The following TNFSF13B variants were observed in gnomAD, a reference collection of about 807,000 sequenced individuals.
TNFSF13B encodes the protein tumor necrosis factor ligand superfamily member 13B.
In TNFSF13B, 8 loss-of-function variants were observed where a neutral mutation model predicts 29.1. The observed-to-expected ratio is 0.27, with a 90% confidence interval of 0.16 to 0.50. The LOEUF (loss-of-function observed/expected upper bound fraction) is 0.50. TNFSF13B is among the 20% of genes least tolerant of loss of function. TNFSF13B has a pLI of 0.98. For missense variants in TNFSF13B, 248 were observed against 334.9 expected (o/e 0.74, Z 2.03); for synonymous variants, 125 against 130.8 (o/e 0.96, Z 0.30).
At chr13:108,271,444 TCACACACACACACACACACACACA>T (rs59438208) in intron 2 of TNFSF13B, among the ~76,000 whole-genome samples, 2 of 143,002 alleles carry the variant, frequency 1.4e-5, no homozygotes, top group East Asian at 4.2e-4. Flanking sequence ...GACCCTTCTA[TCACACACACACACACACACACACA>T]CACACACACA....
chr13:108,284,344 A>T (rs1258938937), intron 2 of TNFSF13B, among the ~76,000 whole-genome samples: 1 of 134,140 alleles, frequency 7.5e-6, no homozygotes, highest in Non-Finnish European at 1.6e-5. Flanking sequence ...ATAAATAAAT[A>T]AATAAATAAA....
chr13:108,271,197 TTATAA>T (rs1318318444), intron 2 of TNFSF13B, among the ~76,000 whole-genome samples: 13 of 152,330 alleles, frequency 8.5e-5, no homozygotes, highest in African/African-American at 2.2e-4. Flanking sequence ...TTTATTAAAG[TTATAA>T]TATAACAAAT....
chr13:108,274,485 A>C (rs1295655219), intron 2 of TNFSF13B, among the ~76,000 whole-genome samples: 1 of 152,008 alleles, frequency 6.6e-6, no homozygotes, highest in Non-Finnish European at 1.5e-5. Context: ...GGAAGATTTG[A>C]AGATAAGAAT....
At chr13:108,284,294 A>C (rs373112428) in intron 2 of TNFSF13B, among the ~76,000 whole-genome samples, 30 of 152,186 alleles carry the variant, frequency 2.0e-4, no homozygotes, top group African/African-American at 4.3e-4. Flanking sequence ...GCGCCACTGC[A>C]CTCCAGCCTG....
chr13:108,296,263 T>C (rs1324480235), intron 3 of TNFSF13B, among the ~76,000 whole-genome samples: 2 of 145,894 alleles, frequency 1.4e-5, no homozygotes, highest in African/African-American at 2.6e-5. Context: ...GCTTATATCT[T>C]GAGGTTCTGT....
At chr13:108,282,454 G>A (rs552366124) in intron 2 of TNFSF13B, among the ~76,000 whole-genome samples, 1 of 152,166 alleles carries the variant, frequency 6.6e-6, no homozygotes, top group Non-Finnish European at 1.5e-5. Context: ...TGATTAAATG[G>A]TATTTAGACA....
chr13:108,302,848 T>C, intron 3 of TNFSF13B: 1 of 987,658 alleles, frequency 1.0e-6, no homozygotes, highest in Non-Finnish European at 1.2e-6. Context: ...TGCCAAACTC[T>C]TCAGATACTC....
chr13:108,270,432 T>C lies in TNFSF13B; in HGVS notation c.424+8T>C, dbSNP rs1443006542. ...AGGGTCCAGAAGAAACAGGTATGTT[T>C]TGGGCACAGACACTTTTAGGAGTCA... On this transcript the variant is annotated splice_region_variant and intron_variant, in intron 2 of 5. Coordinates refer to ENST00000375887, the MANE Select transcript of TNFSF13B (RefSeq NM_006573.5). 6.2e-7 allele frequency: 1 copy of C among 1,613,676 alleles called. No homozygotes were observed. The highest frequency in any genetic ancestry group is 8.5e-7 in the Non-Finnish European group (1 of 1,179,622).
intron 2 of TNFSF13B, among the ~76,000 whole-genome samples, chr13:108,281,774 G>A (rs889065772): frequency 3.9e-5 from 6 of 152,114 alleles, no homozygotes; most frequent in African/African-American, 1.2e-4. Flanking sequence ...ACTGCTTATC[G>A]TTGGTCAACC....
intron 2 of TNFSF13B, among the ~76,000 whole-genome samples, chr13:108,283,920 TAATA>T (rs980594015): frequency 7.2e-5 from 11 of 152,258 alleles, no homozygotes; most frequent in African/African-American, 2.6e-4. Flanking sequence ...AAAGTCTTCC[TAATA>T]GCATCACCTC....
intron 2 of TNFSF13B, among the ~76,000 whole-genome samples, chr13:108,280,723 T>TC: frequency 6.6e-6 from 1 of 152,254 alleles, no homozygotes; most frequent in East Asian, 1.9e-4. Context: ...ATGCTTTTTT[T>TC]TTTTTTACTC....
At chr13:108,274,636 A>T (rs1315554711) in intron 2 of TNFSF13B, among the ~76,000 whole-genome samples, 1 of 152,172 alleles carries the variant, frequency 6.6e-6, no homozygotes, top group Non-Finnish European at 1.5e-5. Flanking sequence ...TTCCCAAAAA[A>T]GTTGTCTGTA....
At chr13:108,274,857 C>T (rs190820847) in intron 2 of TNFSF13B, among the ~76,000 whole-genome samples, 94 of 152,244 alleles carry the variant, frequency 6.2e-4, no homozygotes, top group African/African-American at 2.1e-3. Context: ...GAACTTCACA[C>T]AAACTGTAGA....
At chr13:108,298,301 G>A (rs1015382114) in intron 3 of TNFSF13B, among the ~76,000 whole-genome samples, 3 of 144,786 alleles carry the variant, frequency 2.1e-5, no homozygotes, top group South Asian at 2.2e-4. Context: ...AAAGAATAAC[G>A]AAAAGTGAAC....
intron 2 of TNFSF13B, among the ~76,000 whole-genome samples, chr13:108,271,182 A>G (rs548377446): frequency 3.9e-5 from 6 of 152,178 alleles, no homozygotes; most frequent in Non-Finnish European, 7.4e-5. Context: ...GAATCTTTGT[A>G]TACATTTATT....
chr13:108,271,110 C>T (rs1436415391), intron 2 of TNFSF13B, among the ~76,000 whole-genome samples: 2 of 152,026 alleles, frequency 1.3e-5, no homozygotes, highest in Non-Finnish European at 2.9e-5. Context: ...CGGAACTTTA[C>T]AGAGTTGGTG....
chr13:108,269,848 GT>G lies in TNFSF13B; in HGVS notation c.-47del. On this transcript the variant is annotated 5_prime_UTR_variant, in exon 1 of 6. The change creates a premature stop within an existing upstream ORF in the 5' untranslated region. Transcript: ENST00000375887. ...GATAACAGGAAATGATCCATTCCCT[GT>G]GGTCACTTATTCTAAAGGCCCCAAC... is the stretch of plus-strand genomic sequence containing the variant. 1.3e-6 allele frequency: 2 copies of G among 1,496,742 alleles called. No individual in the cohort carries two copies. The highest frequency in any genetic ancestry group is 1.8e-6 in the Non-Finnish European group (2 of 1,106,522). 92.7% of individuals were successfully genotyped at this position (1,496,742 alleles called of 1,614,324 possible). A position where few individuals can be genotyped will look rare whatever the true frequency, so the allele number is the denominator to read the frequency against.
At chr13:108,287,127 G>C (rs1286418448) in intron 3 of TNFSF13B, among the ~76,000 whole-genome samples, 3 of 126,966 alleles carry the variant, frequency 2.4e-5, no homozygotes, top group East Asian at 2.8e-4. Flanking sequence ...TTGTGGGGTG[G>C]GGGGAGGGGG....
chr13:108,288,419 A>G (rs1309043250), intron 3 of TNFSF13B, among the ~76,000 whole-genome samples: 3 of 152,200 alleles, frequency 2.0e-5, no homozygotes, highest in South Asian at 2.1e-4. Flanking sequence ...AGCAGTTAGG[A>G]CATCTAACTT....
Sources: gnomAD v4.1 joint callset for allele counts (sites outside exome capture counted in the v4.1 genomes callset) on GRCh38, gnomAD v4.1.1 for gene constraint, MANE v1.5 for transcripts, NCBI Gene and HGNC (gene_info 2026-07-23, HGNC 2026-07-21) for gene names.